NTRK1: variants seen among roughly 807,000 people sequenced by gnomAD.
NTRK1 encodes high affinity nerve growth factor receptor.
A neutral mutation model predicts 86.8 loss-of-function variants in NTRK1; 62 were observed. The ratio of observed to expected loss-of-function variants is 0.71; its 90% CI spans 0.58 to 0.88. The LOEUF (loss-of-function observed/expected upper bound fraction) is 0.88, where lower values mean the gene tolerates loss of function less well. Among genes scored for constraint, NTRK1 ranks in the 40% least tolerant of loss-of-function variants. The probability of loss-of-function intolerance (pLI) is 0.00; values close to 1 mark genes in which losing one functional copy is unlikely to be tolerated. For synonymous variants in NTRK1, 469 were observed against 456.6 expected (o/e 1.03, Z -0.35); for missense variants, 967 against 1,078.4 (o/e 0.90, Z 1.45).
intron 2 of NTRK1, among the ~76,000 whole-genome samples, chr1:156,855,351 C>T (rs1655373602): frequency 6.6e-6 from 1 of 152,224 alleles, no homozygotes; most frequent in African/African-American, 2.4e-5. Context: ...TTACAGGTGC[C>T]CGCCGCCATA....
At chr1:156,841,015 C>T (rs565103475) in intron 1 of NTRK1, 20 of 1,609,004 alleles carry the variant, frequency 1.2e-5, no homozygotes, top group African/African-American at 1.2e-4. Flanking sequence ...GAAGGAGGGC[C>T]GCAGCTCCTC....
chr1:156,863,161 G>C lies in NTRK1; in HGVS notation c.213-1193G>C, dbSNP rs895642401. On this transcript the variant is annotated intron_variant, in intron 1 of 16. Transcript: ENST00000524377. Reference sequence around the variant, plus strand: ...GTATGTCGGATCCAGCAGCTAGGCAGGCCCCAGGGCGTCAGCTGTCCCCTA... The same window carrying C: ...GTATGTCGGATCCAGCAGCTAGGCACGCCCCAGGGCGTCAGCTGTCCCCTA... Among the ~76,000 whole-genome samples the C allele has an allele frequency of 4.6e-5, 7 of 152,244 alleles. No individual in the cohort carries two copies. The East Asian group carries it at 1.4e-3, about 29-fold the overall frequency.
At chr1:156,864,483 A>G (rs1380522169) in intron 2 of NTRK1, 55 bp downstream of exon 2, 2 of 1,575,312 alleles carry the variant, frequency 1.3e-6, no homozygotes, top group Non-Finnish European at 1.7e-6. Flanking sequence ...GGGGGAGACC[A>G]GAAGGTCAGG....
intron 2 of NTRK1, chr1:156,845,929 GC>G: frequency 6.2e-7 from 1 of 1,606,662 alleles, no homozygotes; most frequent in African/African-American, 1.3e-5. Context: ...CCCGCGGCCG[GC>G]CTGCGCGTCG....
At chr1:156,841,660 C>T in intron 1 of NTRK1, 1 of 1,613,518 alleles carries the variant, frequency 6.2e-7, no homozygotes, top group Non-Finnish European at 8.5e-7. Context: ...CCAGCTCGGC[C>T]CCACCAGACA....
chr1:156,823,382 C>T (rs941957663), intron 1 of NTRK1, among the ~76,000 whole-genome samples: 2 of 152,204 alleles, frequency 1.3e-5, no homozygotes, highest in African/African-American at 2.4e-5. Flanking sequence ...GCCATCATTC[C>T]ACCAAGATGA....
At chr1:156,870,554 T>C (rs945184906) in intron 6 of NTRK1, among the ~76,000 whole-genome samples, 1 of 152,162 alleles carries the variant, frequency 6.6e-6, no homozygotes, top group Non-Finnish European at 1.5e-5. Context: ...GGGCTTCCCC[T>C]CGAAGTGGCT....
Position 156,841,139 on chromosome 1 carries a change from G to A in NTRK1, c.-63-942G>A, listed in dbSNP as rs1055784797. On this transcript the variant is annotated intron_variant, in intron 1 of 16. Coordinates refer to the NTRK1 transcript ENST00000392302. ...GTGGGGAGCAGGGTCAGAGGCATCC[G>A]GGAGCCCCTGCCACGCTCTCAGCCT... 1.0e-5 allele frequency: 15 copies of A among 1,482,114 alleles called. No homozygotes were observed. The South Asian group carries it at 1.3e-4, about 13-fold the overall frequency. 91.8% of individuals were successfully genotyped at this position (1,482,114 alleles called of 1,614,324 possible).
At chr1:156,861,182 C>T in intron 1 of NTRK1, 36 bp downstream of exon 1, 2 of 1,534,192 alleles carry the variant, frequency 1.3e-6, no homozygotes, top group Non-Finnish European at 1.7e-6. Context: ...GGCGCGGGGA[C>T]AGGCAGGCAT....
chr1:156,841,432 G>A (rs1316463746), intron 1 of NTRK1: 10 of 1,613,758 alleles, frequency 6.2e-6, no homozygotes, highest in East Asian at 2.2e-5. Context: ...CCAGGACCCC[G>A]CCATCCATGA....
chr1:156,849,642 A>G (rs1655135463), intron 2 of NTRK1, among the ~76,000 whole-genome samples: 1 of 152,158 alleles, frequency 6.6e-6, no homozygotes, highest in Non-Finnish European at 1.5e-5. Flanking sequence ...ACTGACCAGG[A>G]GTATGATGTC....
intron 1 of NTRK1, chr1:156,816,031 C>T (rs775270596): frequency 9.3e-6 from 15 of 1,613,956 alleles, no homozygotes; most frequent in African/African-American, 1.3e-5. Context: ...GTTCTGGCAG[C>T]TCCTGCGGGT....
chr1:156,844,220 A>C lies in NTRK1; in HGVS notation c.50+2027A>C, dbSNP rs767911715. On this transcript the variant is annotated intron_variant, in intron 2 of 16. Coordinates refer to the NTRK1 transcript ENST00000392302. ...ACCAAGGGCAGCAAGAACGATGAGC[A>C]GCGTGAGCCCCACAGGGGTGGCAGT... 9 of 1,614,026 alleles carry C rather than the reference A, an allele frequency of 5.6e-6. No homozygotes were observed. The South Asian group carries it at 9.9e-5, about 18-fold the overall frequency.
At chr1:156,864,887 T>C (rs1655855465) in intron 3 of NTRK1, 88 bp downstream of exon 3, 2 of 1,335,992 alleles carry the variant, frequency 1.5e-6, no homozygotes, top group South Asian at 2.5e-5. Flanking sequence ...CGGGGAATGA[T>C]TGCGAGGAGG....
chr1:156,857,513 A>T (rs2102874100), upstream of NTRK1, among the ~76,000 whole-genome samples: 1 of 152,244 alleles, frequency 6.6e-6, no homozygotes, highest in East Asian at 1.9e-4. Flanking sequence ...CCCTCCAAGG[A>T]TGTGCTCCTG....
Position 156,868,530 on chromosome 1 carries a change from G to A in NTRK1, c.600G>A (p.Val200=). ...SCGVPTLKVQ[V]PNASVDVGDD... ...GTGTGCCCACGCTGAAGGTCCAGGT[G>A]CCCAATGCCTCGGTGGATGTGGGGG... The change falls in exon 6 of 17, where the codon GTG becomes GTA. Residue 200 remains valine (V), a synonymous_variant. Transcript: ENST00000524377. The A allele has an allele frequency of 4.5e-6, 7 of 1,559,402 alleles. No homozygotes were observed. The highest frequency in any genetic ancestry group is 5.2e-6 in the Non-Finnish European group (6 of 1,151,330).
upstream of NTRK1, among the ~76,000 whole-genome samples, chr1:156,860,459 A>G (rs921091351): frequency 4.6e-5 from 7 of 151,870 alleles, no homozygotes; most frequent in African/African-American, 1.7e-4. Flanking sequence ...TGACATGCTC[A>G]CTCCCCTAGG....
chr1:156,846,326 G>A (rs887538845), intron 2 of NTRK1, among the ~76,000 whole-genome samples: 36 of 151,908 alleles, frequency 2.4e-4, no homozygotes, highest in African/African-American at 8.5e-4. Context: ...TATTGACCCC[G>A]GACTGTCCCA....
Position 156,864,754 on chromosome 1 carries a change from T to C in NTRK1, c.314T>C (p.Phe105Ser). The C allele has an allele frequency of 6.2e-7, 1 of 1,614,106 alleles. No homozygotes were observed. The highest frequency in any genetic ancestry group is 8.5e-7 in the Non-Finnish European group (1 of 1,179,984). ...NLTIVKSGLRFVAPDAFHFTP... is the reference protein window; with the variant it reads ...NLTIVKSGLRSVAPDAFHFTP... The stretch of plus-strand genomic sequence containing the variant: ...ACCATCGTGAAGAGTGGTCTCCGTT[T>C]CGTGGCGCCAGATGCCTTCCATTTC... Residue 105 changes from phenylalanine to serine, a missense_variant, in exon 3 of 17, where the codon TTC becomes TCC. This residue lies in a region of NTRK1 where 330 missense variants were observed against 302.0 expected (regional missense o/e 1.09). Coordinates refer to ENST00000524377, the MANE Select transcript of NTRK1 (RefSeq NM_002529.4).
Sources: allele counts gnomAD v4.1 joint callset (sites outside exome capture counted in the v4.1 genomes callset), GRCh38; gene constraint gnomAD v4.1.1; regional missense constraint gnomAD v4.1.1; transcripts MANE v1.5; gene names NCBI Gene and HGNC (gene_info 2026-07-23, HGNC 2026-07-21).